Variants in PPFIBP2 observed in about 807,000 individuals in gnomAD.
The protein encoded by PPFIBP2 is PPFIB scaffold protein 2.
A neutral mutation model predicts 118.3 loss-of-function variants in PPFIBP2; 118 were observed. That is an observed-to-expected ratio of 1.00 (90% CI 0.86 to 1.16). PPFIBP2 has a LOEUF of 1.16. Among genes scored for constraint, PPFIBP2 ranks in the 50% most tolerant of loss-of-function variants. The probability of loss-of-function intolerance (pLI) is 0.00; values close to 1 mark genes in which losing one functional copy is unlikely to be tolerated. For synonymous variants in PPFIBP2, 414 were observed against 397.4 expected (o/e 1.04, Z -0.50); for missense variants, 1,195 against 1,073.1 (o/e 1.11, Z -1.59).
intron 3 of PPFIBP2, among the ~76,000 whole-genome samples, chr11:7,566,729 A>G (rs1056272221): frequency 9.5e-6 from 1 of 104,838 alleles, no homozygotes; most frequent in Non-Finnish European, 1.8e-5. Flanking sequence ...AAAGTTTTTT[A>G]TTTGTACAAA....
intron 1 of PPFIBP2, among the ~76,000 whole-genome samples, chr11:7,526,292 C>G (rs553643529): frequency 1.8e-4 from 27 of 152,304 alleles, no homozygotes; most frequent in African/African-American, 6.5e-4. Flanking sequence ...AAAAGGCTCT[C>G]TGGGGATCCC....
In PPFIBP2 at chr11:7,650,726, C is replaced by A. The variant is rs1369478724; in HGVS notation, c.2122-114C>A. 1.9e-5 allele frequency: 22 copies of A among 1,175,784 alleles called. No homozygotes were observed. The East Asian group carries it at 5.5e-4, about 29-fold the overall frequency. 72.8% of individuals were successfully genotyped at this position (1,175,784 alleles called of 1,614,324 possible). A position where few individuals can be genotyped will look rare whatever the true frequency, so the allele number is the denominator to read the frequency against. ...GGGGTGGGTCACTAAGCTTGAGGGC[C>A]TTCTATTGTTGTGATGCGTCTGGGG... On this transcript the variant is annotated intron_variant, in intron 21 of 23. Coordinates refer to ENST00000299492, the MANE Select transcript of PPFIBP2 (RefSeq NM_003621.5).
rs573073633 is a variant in PPFIBP2 at position 7,649,418 on chromosome 11, C to T, written c.1999-114C>T. 206 of 1,420,716 alleles carry T rather than the reference C, an allele frequency of 1.4e-4. 1 individual carries two copies. Among genetic ancestry groups the T allele is most frequent in the Middle Eastern group, 7.2e-4 (4 of 5,538 alleles). 88.0% of individuals were successfully genotyped at this position (1,420,716 alleles called of 1,614,324 possible). ...CTGTGATAAGCTATTGGTGTCTCCA[C>T]GTGCACCTTCCTGAGATGTGGTTGA... On this transcript the variant is annotated intron_variant, in intron 20 of 23. Transcript: ENST00000299492.
chr11:7,533,570 G>A (rs1850946581), intron 1 of PPFIBP2, among the ~76,000 whole-genome samples: 2 of 152,118 alleles, frequency 1.3e-5, no homozygotes, highest in Admixed American at 6.5e-5. Flanking sequence ...CAGCTCTGAC[G>A]ATAAAGGTGT....
intron 1 of PPFIBP2, among the ~76,000 whole-genome samples, chr11:7,546,013 A>G (rs1047087436): frequency 6.6e-6 from 1 of 152,188 alleles, no homozygotes; most frequent in Admixed American, 6.5e-5. Context: ...AAATGAAGGA[A>G]GGGGTTTGGA....
intron 17 of PPFIBP2, among the ~76,000 whole-genome samples, chr11:7,642,944 G>A (rs1852422148): frequency 6.6e-6 from 1 of 152,136 alleles, no homozygotes; most frequent in South Asian, 2.1e-4. Context: ...TGCCAAACAG[G>A]TTTCTAGTCT....
intron 5 of PPFIBP2, chr11:7,597,986 C>A: frequency 3.9e-6 from 1 of 256,888 alleles, no homozygotes; most frequent in East Asian, 8.7e-5. Context: ...TCACCCTCAT[C>A]CTGTGGGTGC....
At chr11:7,541,677 A>G (rs186404309) in intron 1 of PPFIBP2, among the ~76,000 whole-genome samples, 30 of 152,206 alleles carry the variant, frequency 2.0e-4, no homozygotes, top group Admixed American at 5.2e-4. Flanking sequence ...ATGCCTCCCA[A>G]ATTGACATCT....
the PPFIBP2 span, among the ~76,000 whole-genome samples, chr11:7,662,227 A>G: frequency 1.3e-5 from 2 of 151,976 alleles, no homozygotes; most frequent in Non-Finnish European, 2.9e-5. Context: ...TAGTTGATGC[A>G]GTTTCTTCCT....
chr11:7,603,128 T>G (rs1473553650), intron 5 of PPFIBP2, among the ~76,000 whole-genome samples: 1 of 152,176 alleles, frequency 6.6e-6, no homozygotes, highest in Non-Finnish European at 1.5e-5. Context: ...TGTGTACATG[T>G]TCCGGTGGGA....
At chr11:7,658,310 C>A (rs1466048241), downstream of PPFIBP2, among the ~76,000 whole-genome samples, 1 of 114,084 alleles carries the variant, frequency 8.8e-6, no homozygotes, top group Non-Finnish European at 1.7e-5. Context: ...CCCCACCCCA[C>A]AACAGTCCCC....
At chr11:7,535,076 A>AT (rs1248131428) in intron 1 of PPFIBP2, among the ~76,000 whole-genome samples, 1 of 152,134 alleles carries the variant, frequency 6.6e-6, no homozygotes, top group African/African-American at 2.4e-5. Context: ...TCCTTCTTTC[A>AT]TTTCCACCAT....
chr11:7,572,761 A>G (rs1215552433), intron 3 of PPFIBP2, among the ~76,000 whole-genome samples: 2 of 152,006 alleles, frequency 1.3e-5, no homozygotes, highest in African/African-American at 4.8e-5. Context: ...TATGTTTCGA[A>G]GAATGTTTTG....
rs185387374 is a variant in PPFIBP2 at position 7,639,795 on chromosome 11, C to G, written c.1300C>G (p.Pro434Ala). Reference sequence around the variant, plus strand: ...ACCTGGGAAGCTTTCAGGAGCCACGCCCAATGGAGAGGCTGCCAAATCTCC... The same window carrying G: ...ACCTGGGAAGCTTTCAGGAGCCACGGCCAATGGAGAGGCTGCCAAATCTCC... The part of the protein sequence containing the change: ...TLPGKLSGAT[P>A]NGEAAKSPPT... Residue 434 changes from proline to alanine, a missense_variant, in exon 15 of 24, where the codon CCC (proline) becomes GCC (alanine). By Grantham distance (27) the Pro-to-Ala change is conservative (BLOSUM62 -1). Coordinates refer to ENST00000299492, the MANE Select transcript of PPFIBP2 (RefSeq NM_003621.5). 1 of 1,614,042 alleles carries G rather than the reference C, an allele frequency of 6.2e-7. No homozygotes were observed. Among genetic ancestry groups the G allele is most frequent in the East Asian group, 2.2e-5 (1 of 44,902 alleles).
At chr11:7,532,701 T>A (rs970716504) in intron 1 of PPFIBP2, among the ~76,000 whole-genome samples, 22 of 152,200 alleles carry the variant, frequency 1.4e-4, no homozygotes, top group African/African-American at 5.3e-4. Context: ...AGCCTCCTTC[T>A]CCTCTGATGG....
intron 6 of PPFIBP2, among the ~76,000 whole-genome samples, chr11:7,614,119 G>GT (rs758643327): frequency 6.6e-6 from 1 of 152,098 alleles, no homozygotes; most frequent in Non-Finnish European, 1.5e-5. Context: ...TAATAGGAGA[G>GT]TTTTTTTATT....
At chr11:7,558,626 C>T (rs954255386) in intron 2 of PPFIBP2, among the ~76,000 whole-genome samples, 20 of 151,782 alleles carry the variant, frequency 1.3e-4, no homozygotes, top group Admixed American at 9.2e-4. Flanking sequence ...CGTGGTGGCG[C>T]GTGCCTGTAC....
At chr11:7,571,620 G>A (rs998696956) in intron 3 of PPFIBP2, 1 of 152,176 alleles carries the variant, frequency 6.6e-6, no homozygotes, top group African/African-American at 2.4e-5. Flanking sequence ...CTTAGAGGAG[G>A]GAAAATTTGG....
chr11:7,597,332 T>G (rs1860521677), intron 4 of PPFIBP2: 2 of 1,535,596 alleles, frequency 1.3e-6, no homozygotes, highest in African/African-American at 2.7e-5. Flanking sequence ...GCAGTAAACG[T>G]GACCCATGTC....
Sources: allele counts gnomAD v4.1 joint callset (sites outside exome capture counted in the v4.1 genomes callset), GRCh38; gene constraint gnomAD v4.1.1; transcripts MANE v1.5; gene names NCBI Gene and HGNC (gene_info 2026-07-23, HGNC 2026-07-21).